WDR35: variants seen among roughly 807,000 people sequenced by gnomAD.
The protein encoded by WDR35 is WD repeat-containing protein 35.
Under a neutral mutation model 158.3 loss-of-function variants are expected in WDR35, and 118 were observed. The ratio of observed to expected loss-of-function variants is 0.75; its 90% confidence interval spans 0.64 to 0.87. The LOEUF (loss-of-function observed/expected upper bound fraction) is 0.87, where lower values mean the gene tolerates loss of function less well. Among genes scored for constraint, WDR35 ranks in the 40% least tolerant of loss-of-function variants. WDR35 has a pLI of 0.00. For missense variants in WDR35, 1,263 were observed against 1,405.8 expected, an observed-to-expected ratio of 0.90 and a Z score of 1.62; for synonymous variants, 448 against 476.1, an observed-to-expected ratio of 0.94 and a Z score of 0.77.
chr2:19,974,521 G>C lies in WDR35; in HGVS notation c.683C>G (p.Ala228Gly). 8 of 1,612,210 alleles carry C rather than the reference G, an allele frequency of 5.0e-6. No homozygotes were observed. The highest frequency in any genetic ancestry group is 6.8e-6 in the Non-Finnish European group (8 of 1,178,970). ...GYVEPDCPCL[A>G]VCFDNGRCQI... ...GCATCTTCCATTATCAAAGCAAACA[G>C]CAAGGCAAGGGCAATCAGGCTCCAC... Residue 228 changes from alanine (A) to glycine (G), a missense_variant, in exon 7 of 27, where the codon GCT becomes GGT. By Grantham distance (60) the Ala-to-Gly change is moderately conservative (BLOSUM62 0). Transcript: ENST00000281405.
At chr2:19,938,035 C>A (rs979162058) in intron 18 of WDR35, 89 bp from the exon 19 acceptor site, 68 of 1,490,274 alleles carry the variant, frequency 4.6e-5, no homozygotes, top group Non-Finnish European at 6.0e-5. Flanking sequence ...TCATTTATGT[C>A]TATTATTTCT....
chr2:19,928,285 C>T (rs1389477328), intron 25 of WDR35, among the ~76,000 whole-genome samples: 1 of 152,238 alleles, frequency 6.6e-6, no homozygotes, highest in African/African-American at 2.4e-5. Context: ...CCCATCCCTT[C>T]GTTTCCCATA....
chr2:19,937,938 A>G lies in WDR35; in HGVS notation c.2072T>C (p.Leu691Pro). ...CAGTTTCTGAAGAGCTGCTTCAGCCAGTAGGCGCCTTTATTTTAAAAGAAA... is the reference window on the plus strand; with the variant it reads ...CAGTTTCTGAAGAGCTGCTTCAGCCGGTAGGCGCCTTTATTTTAAAAGAAA... ...DNPHPRLWRL[L>P]AEAALQKLDL... Residue 691 changes from leucine to proline, a missense_variant, in exon 19 of 27, where the codon CTG (leucine) becomes CCG (proline). Leu to Pro is a moderately conservative substitution (Grantham distance 98, BLOSUM62 -3). Transcript: ENST00000281405. 1 of 1,614,114 alleles carries G rather than the reference A, an allele frequency of 6.2e-7. No homozygotes were observed. The highest frequency in any genetic ancestry group is 8.5e-7 in the Non-Finnish European group (1 of 1,180,010).
chr2:19,924,472 G>A (rs1280718138), intron 25 of WDR35, among the ~76,000 whole-genome samples: 1 of 152,178 alleles, frequency 6.6e-6, no homozygotes, highest in Non-Finnish European at 1.5e-5. Flanking sequence ...GCTGAGGCAG[G>A]AGAATGGCGT....
intron 4 of WDR35, among the ~76,000 whole-genome samples, chr2:19,979,420 T>C (rs969112629): frequency 2.0e-5 from 3 of 152,204 alleles, no homozygotes; most frequent in Middle Eastern, 3.2e-3. Flanking sequence ...CTAAGCCTGC[T>C]TGAAAAAATT....
intron 11 of WDR35, among the ~76,000 whole-genome samples, chr2:19,956,080 G>T (rs1039326595): frequency 2.0e-5 from 3 of 152,182 alleles, no homozygotes; most frequent in African/African-American, 7.2e-5. Flanking sequence ...GCCAGGTCAG[G>T]CTGCGCTCTC....
At chr2:19,930,678 G>A in intron 24 of WDR35, 126 bp from the exon 25 acceptor site, 5 of 1,413,840 alleles carry the variant, frequency 3.5e-6, no homozygotes, top group Non-Finnish European at 4.8e-6. Context: ...TATGATTACA[G>A]ACTTTTTTTT....
chr2:19,937,971 A>C (rs192606112), intron 18 of WDR35, 25 bp from the exon 19 acceptor site: 2 of 1,612,294 alleles, frequency 1.2e-6, no homozygotes, highest in South Asian at 2.2e-5. Context: ...AAACAAAAAC[A>C]TAAGTGCATA....
chr2:19,916,145 G>A (rs1279511936), intron 25 of WDR35, among the ~76,000 whole-genome samples: 2 of 152,152 alleles, frequency 1.3e-5, no homozygotes, highest in Non-Finnish European at 2.9e-5. Flanking sequence ...AATGCAAGGG[G>A]ATGGGGAAAT....
chr2:19,951,264 GAA>G, intron 13 of WDR35, 149 bp downstream of exon 13: 1 of 699,944 alleles, frequency 1.4e-6, no homozygotes, highest in East Asian at 2.8e-5. Context: ...TAAGATCTAG[GAA>G]AAAGTTTACA....
chr2:19,972,859 C>T (rs1301912575), intron 8 of WDR35, among the ~76,000 whole-genome samples: 1 of 151,956 alleles, frequency 6.6e-6, no homozygotes, highest in Non-Finnish European at 1.5e-5. Flanking sequence ...GAAAATAAGA[C>T]ATTCAAAAAA....
Position 19,966,741 on chromosome 2 carries a change from C to G in WDR35, c.1177G>C (p.Asp393His). Residue 393 changes from aspartate (D) to histidine (H), a missense_variant, in exon 10 of 27, where the codon GAT (aspartate) becomes CAT (histidine). Asp to His is a moderately conservative substitution (Grantham distance 81, BLOSUM62 -1). Coordinates refer to ENST00000281405, the MANE Select transcript of WDR35 (RefSeq NM_020779.4). Reference protein sequence around the residue: ...GDFCILATKADENHPQFVLVL... With the variant: ...GDFCILATKAHENHPQFVLVL... ...ACACCTACCTGAGGATGATTTTCAT[C>G]AGCTTTTGTAGCCAAAATGCAGAAA... 6.2e-7 allele frequency: 1 copy of G among 1,613,842 alleles called. No homozygotes were observed. Among genetic ancestry groups the G allele is most frequent in the Non-Finnish European group, 8.5e-7 (1 of 1,179,904 alleles).
At chr2:19,961,811 T>C (rs1671670855) in intron 10 of WDR35, among the ~76,000 whole-genome samples, 1 of 152,168 alleles carries the variant, frequency 6.6e-6, no homozygotes, top group Admixed American at 6.5e-5. Context: ...AGCAGAAAAA[T>C]GCCTGGGAAA....
rs375062321 is a variant in WDR35 at position 19,978,831 on chromosome 2, C to A, written c.356G>T (p.Arg119Leu). Residue 119 changes from arginine (R) to leucine (L), a missense_variant, in exon 5 of 27, where the codon CGC (arginine) becomes CTC (leucine). Transcript: ENST00000281405. ...MINNRNKSVV[R>L]SMSWNADGQK... ...TCCGTCAGCATTCCAGCTCATACTG[C>A]GAACAACTGATTTATTTCGATTGTT... The A allele has an allele frequency of 1.7e-5, 28 of 1,613,644 alleles. No homozygotes were observed. Among genetic ancestry groups the A allele is most frequent in the East Asian group, 2.2e-5 (1 of 44,832 alleles).
chr2:19,958,845 T>C (rs1176686899), intron 11 of WDR35, among the ~76,000 whole-genome samples: 4 of 152,186 alleles, frequency 2.6e-5, no homozygotes, highest in Non-Finnish European at 4.4e-5. Flanking sequence ...CTAACTCTCA[T>C]GTGTAGAGTA....
chr2:19,958,257 A>G (rs139233832), intron 11 of WDR35, among the ~76,000 whole-genome samples: 1 of 152,320 alleles, frequency 6.6e-6, no homozygotes, highest in Admixed American at 6.5e-5. Context: ...CCATGCCTTC[A>G]TTCCTCTGCA....
At chr2:19,957,146 C>G (rs1317158123) in intron 11 of WDR35, among the ~76,000 whole-genome samples, 2 of 152,144 alleles carry the variant, frequency 1.3e-5, no homozygotes, top group African/African-American at 4.8e-5. Flanking sequence ...CTGCTCTTAA[C>G]TACTAGAGCA....
At chr2:19,930,652 T>G in intron 24 of WDR35, 100 bp from the exon 25 acceptor site, 1 of 1,545,296 alleles carries the variant, frequency 6.5e-7, no homozygotes. Context: ...ATGAGCAGAT[T>G]TTATCATTAC....
At chr2:19,936,175 A>G in intron 20 of WDR35, 44 bp downstream of exon 20, 1 of 1,613,128 alleles carries the variant, frequency 6.2e-7, no homozygotes, top group Non-Finnish European at 8.5e-7. Flanking sequence ...GGCAGCTACT[A>G]AGTGTTGCAT....
Sources: allele counts gnomAD v4.1 joint callset (sites outside exome capture counted in the v4.1 genomes callset), GRCh38; gene constraint gnomAD v4.1.1; transcripts MANE v1.5; gene names NCBI Gene and HGNC (gene_info 2026-07-23, HGNC 2026-07-21).